The following TPST1 variants were observed in gnomAD, a reference collection of about 807,000 sequenced individuals.
The protein encoded by TPST1 is protein-tyrosine sulfotransferase 1.
A neutral mutation model predicts 34.8 loss-of-function variants in TPST1; 20 were observed. The ratio of observed to expected loss-of-function variants is 0.57; its 90% CI spans 0.40 to 0.84. The LOEUF is 0.84. TPST1 is among the 40% of genes least tolerant of loss of function. The pLI, the probability that TPST1 is intolerant of heterozygous loss-of-function variation, is 0.00. For synonymous variants in TPST1, 152 were observed against 159.4 expected (o/e 0.95, Z 0.35); for missense variants, 353 against 455.5 (o/e 0.78, Z 2.05).
At chr7:66,306,911 C>T (rs1217819149) in intron 3 of TPST1, among the ~76,000 whole-genome samples, 1 of 152,062 alleles carries the variant, frequency 6.6e-6, no homozygotes, top group Non-Finnish European at 1.5e-5. Flanking sequence ...GACAGGGTTT[C>T]ACCATGTTGG....
At position 66,321,842 on chromosome 7, in the gene TPST1, G is replaced by A. The variant is rs546107261; in HGVS notation, c.1045-30663G>A. 5.3e-5 allele frequency among the ~76,000 whole-genome samples: 8 copies of A among 152,294 alleles called. No homozygotes were observed. In the South Asian group the frequency reaches 1.7e-3, roughly 32 times the overall value. On this transcript the variant is annotated intron_variant, in intron 3 of 5. Transcript: ENST00000304842. ...TTATTTCCTTAGTAACTGAGACTGA[G>A]CACCTTTTCATATGTCATTGACCAG... is the stretch of plus-strand genomic sequence containing the variant.
chr7:66,277,485 T>G (rs958368596), intron 2 of TPST1, among the ~76,000 whole-genome samples: 1 of 152,194 alleles, frequency 6.6e-6, no homozygotes, highest in African/African-American at 2.4e-5. Context: ...TGAGCTACTT[T>G]GTCATCTAGT....
chr7:66,271,154 CA>C (rs1790696428), intron 2 of TPST1, among the ~76,000 whole-genome samples: 1 of 151,990 alleles, frequency 6.6e-6, no homozygotes. Flanking sequence ...TTATTGAGTT[CA>C]AATTGTTCCT....
intron 1 of TPST1, among the ~76,000 whole-genome samples, chr7:66,218,968 C>T (rs1789483095): frequency 6.6e-6 from 1 of 151,956 alleles, no homozygotes; most frequent in African/African-American, 2.4e-5. Flanking sequence ...GCAACCTCTG[C>T]CTCCCCGGTT....
intron 3 of TPST1, among the ~76,000 whole-genome samples, chr7:66,322,097 A>T: frequency 6.6e-6 from 1 of 152,124 alleles, no homozygotes; most frequent in Non-Finnish European, 1.5e-5. Context: ...CTTTTTCTTT[A>T]CTGCTTTTGG....
chr7:66,312,873 T>A (rs1450705390), intron 3 of TPST1, among the ~76,000 whole-genome samples: 2 of 152,140 alleles, frequency 1.3e-5, no homozygotes, highest in East Asian at 3.9e-4. Flanking sequence ...GACTAATAGA[T>A]GTCTGCAAAG....
chr7:66,261,005 T>C (rs1790475569), intron 2 of TPST1, among the ~76,000 whole-genome samples: 1 of 152,216 alleles, frequency 6.6e-6, no homozygotes, highest in Non-Finnish European at 1.5e-5. Context: ...TCCTCTTTGA[T>C]TCTCTGGCCT....
chr7:66,296,676 G>GTTT (rs55888171), intron 3 of TPST1, among the ~76,000 whole-genome samples: 1,389 of 92,102 alleles, frequency 0.015, 71 homozygotes, highest in African/African-American at 0.048. Context: ...TACTGGGTTG[G>GTTT]TTTTTTTTTT....
At chr7:66,351,441 T>A (rs1460082241) in intron 3 of TPST1, among the ~76,000 whole-genome samples, 1 of 152,200 alleles carries the variant, frequency 6.6e-6, no homozygotes, top group Non-Finnish European at 1.5e-5. Context: ...GATATATTTA[T>A]CTATCCTTGT....
At chr7:66,313,729 G>A (rs887944087) in intron 3 of TPST1, among the ~76,000 whole-genome samples, 1 of 152,148 alleles carries the variant, frequency 6.6e-6, no homozygotes, top group African/African-American at 2.4e-5. Flanking sequence ...CAGAAAGGCT[G>A]TAAGAATAAT....
chr7:66,239,349 C>T (rs1238854659), intron 1 of TPST1, among the ~76,000 whole-genome samples: 1 of 152,180 alleles, frequency 6.6e-6, no homozygotes, highest in East Asian at 1.9e-4. Flanking sequence ...TTTCATTATG[C>T]TCCCATTGTC....
chr7:66,281,631 G>GT (rs1164936613), intron 2 of TPST1, among the ~76,000 whole-genome samples: 1 of 152,146 alleles, frequency 6.6e-6, no homozygotes, highest in Admixed American at 6.5e-5. Context: ...TGAAAACATG[G>GT]TTTTTAATGG....
chr7:66,340,201 G>A (rs1468944361), intron 3 of TPST1, among the ~76,000 whole-genome samples: 1 of 151,232 alleles, frequency 6.6e-6, no homozygotes, highest in African/African-American at 2.4e-5. Context: ...GTGATAGAGC[G>A]AGACTTTATC....
chr7:66,254,820 G>C (rs2115656137), intron 2 of TPST1, among the ~76,000 whole-genome samples: 1 of 152,306 alleles, frequency 6.6e-6, no homozygotes, highest in South Asian at 2.1e-4. Context: ...GCCTAGGCTA[G>C]GACTTCTAAT....
chr7:66,201,804 G>C (rs997470026), upstream of TPST1, among the ~76,000 whole-genome samples: 2 of 148,856 alleles, frequency 1.3e-5, no homozygotes, highest in African/African-American at 2.5e-5. Context: ...AGTGAGCTAT[G>C]ACTATGCCAC....
At chr7:66,223,643 T>C (rs575639061) in intron 1 of TPST1, among the ~76,000 whole-genome samples, 2 of 152,272 alleles carry the variant, frequency 1.3e-5, no homozygotes, top group Admixed American at 1.3e-4. Context: ...CCAACAATGA[T>C]TTCCTGATTT....
chr7:66,241,808 A>T (rs1157876595), intron 2 of TPST1, among the ~76,000 whole-genome samples: 1 of 152,250 alleles, frequency 6.6e-6, no homozygotes, highest in Non-Finnish European at 1.5e-5. Context: ...AAGAAGACTG[A>T]GTCACAGTAA....
upstream of TPST1, among the ~76,000 whole-genome samples, chr7:66,203,486 C>CTTTT (rs373614847): frequency 7.4e-6 from 1 of 134,572 alleles, no homozygotes; most frequent in African/African-American, 2.7e-5. Context: ...ACAAAAACTT[C>CTTTT]TTTTTTTTTT....
At chr7:66,284,814 C>T (rs1439935896) in intron 2 of TPST1, among the ~76,000 whole-genome samples, 1 of 152,206 alleles carries the variant, frequency 6.6e-6, no homozygotes, top group African/African-American at 2.4e-5. Context: ...ACTTTGGTCT[C>T]CCAGTGTCTT....
Sources: gnomAD v4.1 joint callset for allele counts (sites outside exome capture counted in the v4.1 genomes callset) on GRCh38, gnomAD v4.1.1 for gene constraint, MANE v1.5 for transcripts, NCBI Gene and HGNC (gene_info 2026-07-23, HGNC 2026-07-21) for gene names.